DPP10: variants seen among roughly 807,000 people sequenced by gnomAD.
DPP10 encodes dipeptidyl peptidase like 10.
A neutral mutation model predicts 120.9 loss-of-function variants in DPP10; 33 were observed. That is an observed-to-expected ratio of 0.27 (90% CI 0.21 to 0.37). The LOEUF (loss-of-function observed/expected upper bound fraction) is 0.37, where lower values mean the gene tolerates loss of function less well. Ranked by LOEUF, DPP10 falls within the 10% of genes least tolerant of loss-of-function variation. The pLI is 1.00. For missense variants in DPP10, 816 were observed against 942.8 expected (o/e 0.87, Z 1.76); for synonymous variants, 337 against 326.1 (o/e 1.03, Z -0.36).
chr2:114,860,353 A>G (rs947457362), intron 1 of DPP10, among the ~76,000 whole-genome samples: 1 of 152,186 alleles, frequency 6.6e-6, no homozygotes. Flanking sequence ...ATCTTCACGA[A>G]GACTCCGTAA....
chr2:114,522,125 G>A (rs962939623), intron 1 of DPP10, among the ~76,000 whole-genome samples: 12 of 147,656 alleles, frequency 8.1e-5, no homozygotes, highest in African/African-American at 1.2e-4. Context: ...GACTACAGGC[G>A]CCCGCCACTA....
intron 1 of DPP10, among the ~76,000 whole-genome samples, chr2:114,529,924 A>G (rs188094098): frequency 2.6e-3 from 393 of 152,120 alleles, no homozygotes; most frequent in African/African-American, 8.7e-3. Flanking sequence ...TCCCACTTAC[A>G]AGTGAGAACA....
chr2:115,208,226 G>A lies in DPP10; in HGVS notation c.61-101013G>A, dbSNP rs535053586. Among the ~76,000 whole-genome samples, 5 of 136,922 alleles carry A rather than the reference G, an allele frequency of 3.7e-5. No homozygotes were observed. The South Asian group carries it at 9.2e-4, about 25-fold the overall frequency. The allele number at this position is 136,922 out of a possible 152,430, so 89.8% of individuals were successfully genotyped here. On this transcript the variant is annotated intron_variant, in intron 1 of 25. Coordinates refer to ENST00000410059, the MANE Select transcript of DPP10 (RefSeq NM_020868.6). ...TTTTCTTTTTTTTTTTTGAGATGGA[G>A]TCTCCCTTTGTCGCCCAGGCTAGAG...
intron 3 of DPP10, among the ~76,000 whole-genome samples, chr2:115,463,419 G>C (rs1351360459): frequency 6.6e-6 from 1 of 152,156 alleles, no homozygotes; most frequent in Admixed American, 6.5e-5. Flanking sequence ...AAATCCAGAA[G>C]AGATAGTTGA....
intron 5 of DPP10, among the ~76,000 whole-genome samples, chr2:115,685,175 T>C (rs1381017552): frequency 4.0e-5 from 6 of 151,878 alleles, no homozygotes; most frequent in African/African-American, 1.4e-4. Flanking sequence ...AAATGTTAAG[T>C]AATATAATAT....
chr2:115,022,923 G>A (rs534980648), intron 1 of DPP10, among the ~76,000 whole-genome samples: 4 of 152,216 alleles, frequency 2.6e-5, no homozygotes, highest in South Asian at 2.1e-4. Flanking sequence ...TCAACAAATC[G>A]TGCTGAGATA....
chr2:115,170,497 A>G (rs756068367), intron 1 of DPP10, among the ~76,000 whole-genome samples: 3 of 152,218 alleles, frequency 2.0e-5, no homozygotes, highest in Non-Finnish European at 4.4e-5. Context: ...AAATTAGTCT[A>G]TAATTTAAAT....
chr2:115,040,516 C>A (rs769969070), intron 1 of DPP10, among the ~76,000 whole-genome samples: 11 of 151,870 alleles, frequency 7.2e-5, no homozygotes, highest in Admixed American at 1.3e-4. Context: ...CCACAGCTGA[C>A]CATGTCTGCA....
intron 1 of DPP10, among the ~76,000 whole-genome samples, chr2:114,762,645 A>G (rs141444471): frequency 1.2e-3 from 179 of 152,318 alleles, no homozygotes; most frequent in African/African-American, 4.2e-3. Context: ...AACACCCAGC[A>G]GGCTGCCAAT....
At position 115,642,477 on chromosome 2, in the gene DPP10, C is replaced by T. The variant is rs75912677; in HGVS notation, c.442-47210C>T. Reference sequence around the variant, plus strand: ...TTGTACTTGAACTGCAATTCTTTTCCGCGTCTCCAGCCTGCTAATCTGTGC... The same window carrying T: ...TTGTACTTGAACTGCAATTCTTTTCTGCGTCTCCAGCCTGCTAATCTGTGC... On this transcript the variant is annotated intron_variant, in intron 5 of 25. Coordinates refer to ENST00000410059, the MANE Select transcript of DPP10 (RefSeq NM_020868.6). Among the ~76,000 whole-genome samples, 11 of 152,274 alleles carry T rather than the reference C, an allele frequency of 7.2e-5. No individual in the cohort carries two copies. In the East Asian group the frequency reaches 1.7e-3, roughly 24 times the overall value.
intron 3 of DPP10, among the ~76,000 whole-genome samples, chr2:115,425,669 T>C (rs2070388325): frequency 6.6e-6 from 1 of 152,222 alleles, no homozygotes; most frequent in South Asian, 2.1e-4. Context: ...TTTAAAAAGA[T>C]AGATAAGTGG....
intron 1 of DPP10, among the ~76,000 whole-genome samples, chr2:114,938,595 T>C (rs896129917): frequency 6.6e-6 from 1 of 152,164 alleles, no homozygotes; most frequent in African/African-American, 2.4e-5. Flanking sequence ...ATTACAAATA[T>C]ATTTTAATTG....
chr2:114,794,359 A>T (rs1683509889), intron 1 of DPP10, among the ~76,000 whole-genome samples: 1 of 152,238 alleles, frequency 6.6e-6, no homozygotes, highest in Admixed American at 6.5e-5. Context: ...GCCAAAATTC[A>T]TAGGCAAAGT....
intron 3 of DPP10, among the ~76,000 whole-genome samples, chr2:115,422,153 G>A (rs2070032476): frequency 1.3e-5 from 2 of 152,144 alleles, no homozygotes; most frequent in South Asian, 2.1e-4. Context: ...TGTTTAATGA[G>A]TTCTGTTACT....
intron 1 of DPP10, among the ~76,000 whole-genome samples, chr2:114,752,274 G>A (rs76278821): frequency 4.7e-4 from 71 of 152,234 alleles, no homozygotes; most frequent in Middle Eastern, 3.4e-3. Context: ...GATGGGAGTC[G>A]AAAGATAATC....
chr2:115,403,163 G>A (rs923066468), intron 3 of DPP10, among the ~76,000 whole-genome samples: 8 of 151,192 alleles, frequency 5.3e-5, no homozygotes, highest in Non-Finnish European at 1.0e-4. Context: ...GAAAAAAAAT[G>A]AGAAGATGCA....
At chr2:115,284,060 A>G (rs1210506526) in intron 1 of DPP10, among the ~76,000 whole-genome samples, 2 of 152,018 alleles carry the variant, frequency 1.3e-5, no homozygotes, top group Non-Finnish European at 2.9e-5. Flanking sequence ...AACTATACAT[A>G]TGATACTGGG....
chr2:115,150,389 T>C (rs1459068689), intron 1 of DPP10, among the ~76,000 whole-genome samples: 2 of 152,240 alleles, frequency 1.3e-5, no homozygotes, highest in Non-Finnish European at 2.9e-5. Flanking sequence ...GTGAAAATTA[T>C]AGTTCTTAAA....
At chr2:115,426,892 A>T (rs2070522664) in intron 3 of DPP10, among the ~76,000 whole-genome samples, 2 of 152,232 alleles carry the variant, frequency 1.3e-5, no homozygotes, top group Admixed American at 1.3e-4. Flanking sequence ...AGACAAGGCA[A>T]GTCTTTTCCA....
Sources: gnomAD v4.1 joint callset for allele counts (sites outside exome capture counted in the v4.1 genomes callset) on GRCh38, gnomAD v4.1.1 for gene constraint, MANE v1.5 for transcripts, NCBI Gene and HGNC (gene_info 2026-07-23, HGNC 2026-07-21) for gene names.